The following KANSL1 variants were observed in gnomAD, a reference collection of about 807,000 sequenced individuals.
KANSL1 encodes MLL1/MLL complex subunit KANSL1.
Under a neutral mutation model 103.6 loss-of-function variants are expected in KANSL1, and 22 were observed. The observed-to-expected ratio is 0.21, with a 90% CI of 0.15 to 0.30. The LOEUF (loss-of-function observed/expected upper bound fraction) is 0.30. Among genes scored for constraint, KANSL1 ranks in the 10% least tolerant of loss-of-function variants. KANSL1 has a pLI of 1.00. For synonymous variants in KANSL1, 600 were observed against 527.6 expected (o/e 1.14, Z -1.88); for missense variants, 1,337 against 1,399.8 (o/e 0.96, Z 0.72).
chr17:46,086,307 C>T (rs941662964), intron 3 of KANSL1, among the ~76,000 whole-genome samples: 2 of 152,194 alleles, frequency 1.3e-5, no homozygotes, highest in African/African-American at 4.8e-5. Flanking sequence ...TAGGGACCAT[C>T]TATTCATCGA....
chr17:46,134,255 A>C (rs1176223977), intron 2 of KANSL1, among the ~76,000 whole-genome samples: 1 of 151,764 alleles, frequency 6.6e-6, no homozygotes, highest in African/African-American at 2.4e-5. Context: ...AAACTAGCTG[A>C]GCGTGGTGGC....
chr17:46,134,986 A>T (rs1481736054), intron 2 of KANSL1, among the ~76,000 whole-genome samples: 1 of 152,220 alleles, frequency 6.6e-6, no homozygotes, highest in Non-Finnish European at 1.5e-5. Context: ...GGGTTGGAGT[A>T]TGACATCTTC....
intron 6 of KANSL1, among the ~76,000 whole-genome samples, chr17:46,051,645 A>C (rs989786074): frequency 1.3e-5 from 2 of 152,246 alleles, no homozygotes; most frequent in South Asian, 4.1e-4. Context: ...ACCTGGACAC[A>C]CAGCCCCAGA....
chr17:46,063,857 C>T (rs118185397), intron 6 of KANSL1, among the ~76,000 whole-genome samples: 6,787 of 148,472 alleles, frequency 0.046, 226 homozygotes, highest in Non-Finnish European at 0.073. Context: ...GGTAAACTGC[C>T]AAAACAGAGG....
chr17:46,133,654 C>A (rs1426397743), intron 2 of KANSL1, among the ~76,000 whole-genome samples: 3 of 152,134 alleles, frequency 2.0e-5, no homozygotes, highest in Non-Finnish European at 4.4e-5. Flanking sequence ...ATGACAATAA[C>A]AAGGTATCTT....
chr17:46,105,906 G>GAGACAC lies in KANSL1; in HGVS notation c.1290-11206_1290-11205insGTGTCT, dbSNP rs778730504. Among the ~76,000 whole-genome samples the GAGACAC allele has an allele frequency of 9.0e-4, 86 of 95,244 alleles. 1 individual carries two copies. Among genetic ancestry groups the GAGACAC allele is most frequent in the African/African-American group, 3.7e-3 (81 of 22,030 alleles). 62.5% of individuals were successfully genotyped at this position (95,244 alleles called of 152,430 possible). The stretch of plus-strand genomic sequence containing the variant: ...ACACACACACACAGAGCAAGGCCTT[G>GAGACAC]ACACACACACACACACACACACACA... On this transcript the variant is annotated intron_variant, in intron 2 of 14. Transcript: ENST00000432791.
chr17:46,066,813 A>C, intron 5 of KANSL1, 81 bp from the exon 6 acceptor site: 5 of 1,034,964 alleles, frequency 4.8e-6, no homozygotes, highest in Non-Finnish European at 7.0e-6. Context: ...CAAAGAAACA[A>C]AGCCTCTTAT....
chr17:46,061,117 A>G (rs941373982), intron 6 of KANSL1, among the ~76,000 whole-genome samples: 2 of 152,180 alleles, frequency 1.3e-5, no homozygotes, highest in Admixed American at 1.3e-4. Flanking sequence ...CAGCCTTTTC[A>G]ACCATTCATT....
intron 1 of KANSL1, among the ~76,000 whole-genome samples, chr17:46,182,838 A>G (rs2046853110): frequency 6.6e-6 from 1 of 152,256 alleles, no homozygotes; most frequent in African/African-American, 2.4e-5. Context: ...ACTACACTAG[A>G]TAGTTTAAGG....
At chr17:46,096,354 T>C (rs1178113378) in intron 2 of KANSL1, among the ~76,000 whole-genome samples, 23 of 144,476 alleles carry the variant, frequency 1.6e-4, no homozygotes, top group Admixed American at 1.6e-3. Flanking sequence ...TCTTTCACTC[T>C]GGTTGCCCAG....
At chr17:46,170,633 A>G (rs909473853) in intron 2 of KANSL1, 1 of 526,812 alleles carries the variant, frequency 1.9e-6, no homozygotes, top group Admixed American at 3.6e-5. Flanking sequence ...TCAAAAGGAA[A>G]TTACCACCAT....
chr17:46,197,440 C>T (rs1403584364), upstream of KANSL1, among the ~76,000 whole-genome samples: 4 of 152,200 alleles, frequency 2.6e-5, no homozygotes, highest in African/African-American at 7.2e-5. Flanking sequence ...GCCAGGAATT[C>T]GAGACCAGCC....
At chr17:46,061,628 C>G (rs771670674) in intron 6 of KANSL1, among the ~76,000 whole-genome samples, 1 of 152,254 alleles carries the variant, frequency 6.6e-6, no homozygotes, top group African/African-American at 2.4e-5. Flanking sequence ...TCTCCATGAG[C>G]CTTACTCTGA....
chr17:46,054,359 C>A (rs922974938), intron 6 of KANSL1, among the ~76,000 whole-genome samples: 2 of 152,140 alleles, frequency 1.3e-5, no homozygotes, highest in African/African-American at 4.8e-5. Flanking sequence ...CGGTCCCAGT[C>A]ATGAAATCCT....
At chr17:46,166,226 A>AAAAAAAAAAAAAC (rs2045992432) in intron 2 of KANSL1, among the ~76,000 whole-genome samples, 2 of 148,736 alleles carry the variant, frequency 1.3e-5, no homozygotes, top group African/African-American at 2.5e-5. Flanking sequence ...AAAAAAAAAA[A>AAAAAAAAAAAAAC]AAGGGCTGGG....
At chr17:46,089,604 G>A (rs142187825) in intron 3 of KANSL1, among the ~76,000 whole-genome samples, 1 of 146,562 alleles carries the variant, frequency 6.8e-6, no homozygotes, top group Non-Finnish European at 1.5e-5. Flanking sequence ...AGGAAGTGCT[G>A]GGAAATCTTG....
Position 46,039,199 on chromosome 17 carries a change from T to A in KANSL1, c.2220A>T (p.Gln740His), listed in dbSNP as rs1339429545. Reference protein sequence around the residue: ...FLTTAKLSHHQTRPDRTHRQH... With the variant: ...FLTTAKLSHHHTRPDRTHRQH... ...GCCTGTGGGTCCTGTCAGGCCGGGTTTGGTGATGGGACAGCTCTGAAGAGG... is the reference window on the plus strand; with the variant it reads ...GCCTGTGGGTCCTGTCAGGCCGGGTATGGTGATGGGACAGCTCTGAAGAGG... The change falls in exon 9 of 15, where the codon CAA (glutamine) becomes CAT (histidine). Residue 740 changes from glutamine to histidine, a missense_variant. Around this residue, in one of 2 missense-constraint regions of KANSL1, gnomAD observed 780 missense variants for 923.4 expected, o/e 0.84. Coordinates refer to ENST00000432791, the MANE Select transcript of KANSL1 (RefSeq NM_015443.4). 1 of 1,589,704 alleles carries A rather than the reference T, an allele frequency of 6.3e-7. No homozygotes were observed. Among genetic ancestry groups the A allele is most frequent in the Admixed American group, 1.9e-5 (1 of 51,980 alleles).
intron 10 of KANSL1, chr17:46,038,293 T>A: frequency 1.9e-6 from 1 of 529,728 alleles, no homozygotes; most frequent in Non-Finnish European, 3.3e-6. Context: ...GCATCAAGCT[T>A]TCTATGGATG....
intron 7 of KANSL1, chr17:46,042,979 TCAAA>T (rs1259708322): frequency 1.3e-5 from 2 of 152,200 alleles, no homozygotes; most frequent in African/African-American, 2.4e-5. Context: ...TGCTGTCTTC[TCAAA>T]CATTTTTCAT....
Sources: gnomAD v4.1 joint callset for allele counts (sites outside exome capture counted in the v4.1 genomes callset) on GRCh38, gnomAD v4.1.1 for gene constraint, gnomAD v4.1.1 regional missense constraint, MANE v1.5 for transcripts, NCBI Gene and HGNC (gene_info 2026-07-23, HGNC 2026-07-21) for gene names.